The following FKBP11 variants were observed in gnomAD, a reference collection of about 807,000 sequenced individuals.
The protein encoded by FKBP11 is FKBP prolyl isomerase 11, also known as peptidyl-prolyl cis-trans isomerase FKBP11.
Under a neutral mutation model 24.7 loss-of-function variants are expected in FKBP11, and 21 were observed. The ratio of observed to expected loss-of-function variants is 0.85; its 90% CI spans 0.60 to 1.23. FKBP11 has a LOEUF of 1.23. FKBP11 is among the 50% of genes most tolerant of loss of function. The pLI, the probability that FKBP11 is intolerant of heterozygous loss-of-function variation, is 0.00. For synonymous variants in FKBP11, 106 were observed against 100.6 expected, an observed-to-expected ratio of 1.05 and a Z score of -0.32; for missense variants, 245 against 248.7, an observed-to-expected ratio of 0.99 and a Z score of 0.10.
At chr12:48,935,037 A>G in the FKBP11 span, among the ~76,000 whole-genome samples, 106 of 150,138 alleles carry the variant, frequency 7.1e-4, no homozygotes, top group East Asian at 1.8e-3. Context: ...AAAAAAAAAA[A>G]AAGAAGAAGA....
chr12:48,928,043 C>CTT (rs34076093), upstream of FKBP11, among the ~76,000 whole-genome samples: 44,929 of 88,872 alleles, frequency 0.51, 10,640 homozygotes, highest in South Asian at 0.69. Flanking sequence ...TGCCAGATAC[C>CTT]TTTTTTTTTT....
the FKBP11 span, chr12:48,938,678 A>AGAG: frequency 2.1e-6 from 1 of 475,450 alleles, no homozygotes; most frequent in South Asian, 2.0e-5. Context: ...TGAGAGAGAG[A>AGAG]GGGGCCACCC....
chr12:48,924,716 A>C lies in FKBP11; in HGVS notation c.196-68T>G, dbSNP rs552569171. 6.8e-4 allele frequency: 1,076 copies of C among 1,575,742 alleles called. 17 individuals carry two copies. Among genetic ancestry groups the C allele is most frequent in the Non-Finnish European group, 7.8e-6 (9 of 1,151,104 alleles). ...CCCTCCCAGCAGGCGCGCAACACAC[A>C]CCTGGACCGCTGGGCGGCGGCAGCC... On this transcript the variant is annotated intron_variant, in intron 2 of 5. Coordinates refer to ENST00000550765, the MANE Select transcript of FKBP11 (RefSeq NM_016594.3).
At chr12:48,925,182 C>A (rs751686113) in intron 1 of FKBP11, 71 bp from the exon 2 acceptor site, 1 of 1,591,434 alleles carries the variant, frequency 6.3e-7, no homozygotes, top group Admixed American at 1.7e-5. Context: ...CCCGGCACCA[C>A]CCCCAACTCA....
At chr12:48,928,783 G>A (rs982055144), upstream of FKBP11, among the ~76,000 whole-genome samples, 43 of 142,296 alleles carry the variant, frequency 3.0e-4, no homozygotes, top group African/African-American at 8.0e-4. Flanking sequence ...ACGGCCCCCA[G>A]ACACCTTTTA....
At chr12:48,926,790 G>A (rs190554280), upstream of FKBP11, among the ~76,000 whole-genome samples, 1 of 151,824 alleles carries the variant, frequency 6.6e-6, no homozygotes, top group Non-Finnish European at 1.5e-5. Context: ...ACCACGCCCA[G>A]CCCACTTTTT....
In FKBP11 at chr12:48,925,096, G is replaced by A; in HGVS notation, c.145C>T (p.Pro49Ser). 6.2e-7 allele frequency: 1 copy of A among 1,613,846 alleles called. No homozygotes were observed. The highest frequency in any genetic ancestry group is 8.5e-7 in the Non-Finnish European group (1 of 1,179,936). The change falls in exon 2 of 6, where the codon CCA becomes TCA. Residue 49 changes from proline (P) to serine (S), a missense_variant. Transcript: ENST00000550765. Reference protein sequence around the residue: ...QVETLVEPPEPCAEPAAFGDT... With the variant: ...QVETLVEPPESCAEPAAFGDT... ...CCAAAAGCAGCGGGCTCGGCACATG[G>A]TTCTGGGGGCTCCACCTACGATCGG...
At chr12:48,924,836 T>G in intron 2 of FKBP11, 188 bp from the exon 3 acceptor site, 1 of 1,445,508 alleles carries the variant, frequency 6.9e-7, no homozygotes, top group East Asian at 2.5e-5. Context: ...CACCCTGCAC[T>G]TCTCCGTGCC....
upstream of FKBP11, among the ~76,000 whole-genome samples, chr12:48,930,275 TTA>T (rs1227065815): frequency 3.3e-5 from 5 of 152,162 alleles, no homozygotes. Context: ...ATGAGCCCAT[TTA>T]TATTTTAACC....
At chr12:48,928,076 T>C (rs1592233720), upstream of FKBP11, among the ~76,000 whole-genome samples, 1 of 68,518 alleles carries the variant, frequency 1.5e-5, no homozygotes, top group African/African-American at 6.7e-5. Flanking sequence ...GAGATGGGGG[T>C]CTCTGTCATC....
In FKBP11 at chr12:48,923,585, C is replaced by A. The variant is rs754051942; in HGVS notation, c.388+197G>T. ...TGCTGGAGGTCATGCCAGGTGGCCT[C>A]ATCAGGTTGTCTTTAGTCCCTGTTG... is the stretch of plus-strand genomic sequence containing the variant. On this transcript the variant is annotated intron_variant, in intron 5 of 5. Transcript: ENST00000550765. The A allele has an allele frequency of 2.6e-6, 4 of 1,551,864 alleles. No individual in the cohort carries two copies. In the African/African-American group the frequency reaches 5.5e-5, roughly 21 times the overall value.
At chr12:48,927,502 G>GT (rs1939993989), upstream of FKBP11, among the ~76,000 whole-genome samples, 1 of 152,088 alleles carries the variant, frequency 6.6e-6, no homozygotes, top group Admixed American at 6.6e-5. Context: ...TGCGAATTAC[G>GT]TATCAAGATA....
chr12:48,930,836 G>T (rs1940038892), upstream of FKBP11, among the ~76,000 whole-genome samples: 1 of 152,094 alleles, frequency 6.6e-6, no homozygotes, highest in South Asian at 2.1e-4. Flanking sequence ...GGGAATTAAG[G>T]GCTAGTTGTA....
At chr12:48,923,058 G>A in intron 5 of FKBP11, 1 of 792,550 alleles carries the variant, frequency 1.3e-6, no homozygotes, top group South Asian at 1.7e-5. Flanking sequence ...TGAGACAGGA[G>A]AATTGCTTGA....
chr12:48,924,417 G>A, intron 3 of FKBP11, 144 bp downstream of exon 3: 2 of 1,156,668 alleles, frequency 1.7e-6, no homozygotes, highest in Non-Finnish European at 2.5e-6. Flanking sequence ...TACTAGAAGT[G>A]AGGTTTGAAC....
At chr12:48,925,022 G>A in intron 2 of FKBP11, 24 bp downstream of exon 2, 4 of 818,408 alleles carry the variant, frequency 4.9e-6, no homozygotes, top group Non-Finnish European at 7.6e-6. Flanking sequence ...CCCAGGCCCC[G>A]CCCCGGCCCC....
intron 2 of FKBP11, 138 bp downstream of exon 2, chr12:48,924,908 C>T: frequency 6.9e-7 from 1 of 1,439,920 alleles, no homozygotes; most frequent in Non-Finnish European, 9.1e-7. Context: ...CGTCTCTCCC[C>T]TCGCCACGTG....
Position 48,925,106 on chromosome 12 carries a change from C to A in FKBP11, c.135G>T (p.Glu45Asp), listed in dbSNP as rs960179518. Residue 45 changes from glutamate to aspartate, a missense_variant, in exon 2 of 6, where the codon GAG becomes GAT. Physicochemically the swap from Glu to Asp is conservative, Grantham distance 45 (BLOSUM62 2). Transcript: ENST00000550765. ...CGGGCTCGGCACATGGTTCTGGGGGCTCCACCTACGATCGGACTACAGGGG... is the reference window on the plus strand; with the variant it reads ...CGGGCTCGGCACATGGTTCTGGGGGATCCACCTACGATCGGACTACAGGGG... ...VRTLQVETLV[E>D]PPEPCAEPAA... 1 of 1,608,890 alleles carries A rather than the reference C, an allele frequency of 6.2e-7. No individual in the cohort carries two copies. Among genetic ancestry groups the A allele is most frequent in the Middle Eastern group, 1.7e-4 (1 of 6,030 alleles).
intron 4 of FKBP11, 150 bp from the exon 5 acceptor site, chr12:48,924,002 A>C (rs781756833): frequency 1.1e-6 from 1 of 911,618 alleles, no homozygotes; most frequent in East Asian, 2.5e-5. Context: ...TGGCCAGCAA[A>C]GGTGTCCATC....
Sources: allele counts gnomAD v4.1 joint callset (sites outside exome capture counted in the v4.1 genomes callset), GRCh38; gene constraint gnomAD v4.1.1; transcripts MANE v1.5; gene names NCBI Gene and HGNC (gene_info 2026-07-23, HGNC 2026-07-21).